The following PCDHGA5 variants were observed in gnomAD, a reference collection of about 807,000 sequenced individuals.
The protein encoded by PCDHGA5 is protocadherin gamma subfamily A, 5, also known as protocadherin gamma-A5.
A neutral mutation model predicts 56.7 loss-of-function variants in PCDHGA5; 36 were observed. The ratio of observed to expected loss-of-function variants is 0.64; its 90% CI spans 0.49 to 0.84. The LOEUF (loss-of-function observed/expected upper bound fraction) is 0.84. Among genes scored for constraint, PCDHGA5 ranks in the 40% least tolerant of loss-of-function variants. PCDHGA5 has a pLI of 0.00. For synonymous variants in PCDHGA5, 563 were observed against 520.2 expected, an observed-to-expected ratio of 1.08 and a Z score of -1.12; for missense variants, 1,305 against 1,201.5, an observed-to-expected ratio of 1.09 and a Z score of -1.27.
At chr5:141,418,127 A>T in intron 1 of PCDHGA5, 1 of 1,614,104 alleles carries the variant, frequency 6.2e-7, no homozygotes, top group Non-Finnish European at 8.5e-7. Context: ...GAAGGACCGA[A>T]TAGACCGTGA....
intron 1 of PCDHGA5, among the ~76,000 whole-genome samples, chr5:141,434,902 C>T (rs1591355042): frequency 6.6e-6 from 1 of 151,934 alleles, no homozygotes; most frequent in East Asian, 1.9e-4. Flanking sequence ...CCCCTTCCCT[C>T]ATACCTTATT....
intron 1 of PCDHGA5, chr5:141,471,300 C>T (rs2099254628): frequency 6.6e-6 from 1 of 152,190 alleles, no homozygotes; most frequent in African/African-American, 2.4e-5. Context: ...ATCCACCCAA[C>T]TCGGCCTCCC....
intron 1 of PCDHGA5, among the ~76,000 whole-genome samples, chr5:141,464,549 C>T (rs2099086404): frequency 6.6e-6 from 1 of 152,014 alleles, no homozygotes; most frequent in Non-Finnish European, 1.5e-5. Flanking sequence ...TAGCTATTCC[C>T]CATCTTGCAT....
chr5:141,375,213 G>A (rs778646849), intron 1 of PCDHGA5: 9 of 1,613,810 alleles, frequency 5.6e-6, no homozygotes, highest in Non-Finnish European at 7.6e-6. Context: ...CGAGACTCTG[G>A]CCTGAATGGC....
At chr5:141,375,373 A>G (rs540129406) in intron 1 of PCDHGA5, 113 of 1,613,776 alleles carry the variant, frequency 7.0e-5, no homozygotes, top group Non-Finnish European at 3.2e-5. Flanking sequence ...AAGGAACACC[A>G]CCTCTGTCTA....
intron 1 of PCDHGA5, among the ~76,000 whole-genome samples, chr5:141,407,809 T>C (rs2094984510): frequency 6.6e-6 from 1 of 152,228 alleles, no homozygotes; most frequent in South Asian, 2.1e-4. Flanking sequence ...TAGAAATATC[T>C]ACTATAATAT....
In PCDHGA5 at chr5:141,375,320, G is replaced by A. The variant is rs1338614455; in HGVS notation, c.2421+8569G>A. On this transcript the variant is annotated intron_variant, in intron 1 of 3. Coordinates refer to ENST00000518069, the MANE Select transcript of PCDHGA5 (RefSeq NM_018918.3). ...AGTGACAAATGCAGCTCTAGACCGG[G>A]AAGAGGTATTCTTGTACAACATCAC... is the stretch of plus-strand genomic sequence containing the variant. The A allele has an allele frequency of 6.2e-7, 1 of 1,613,688 alleles. No homozygotes were observed. The highest frequency in any genetic ancestry group is 2.2e-5 in the East Asian group (1 of 44,890).
In PCDHGA5 at chr5:141,364,320, G is replaced by C. The variant is rs777179865; in HGVS notation, c.-11G>C. Reference sequence around the variant, plus strand: ...ACCAGAACTAAGAGAAAATTGGGCAGAGAGAAGGCAATGGCGAGTCCACCT... The same window carrying C: ...ACCAGAACTAAGAGAAAATTGGGCACAGAGAAGGCAATGGCGAGTCCACCT... On this transcript the variant is annotated 5_prime_UTR_variant, in exon 1 of 4. Transcript: ENST00000518069. 7 of 1,526,276 alleles carry C rather than the reference G, an allele frequency of 4.6e-6. No individual in the cohort carries two copies. Among genetic ancestry groups the C allele is most frequent in the Non-Finnish European group, 6.1e-6 (7 of 1,140,324 alleles). The allele number at this position is 1,526,276 out of a possible 1,614,324, so 94.5% of individuals were successfully genotyped here. A position where few individuals can be genotyped will look rare whatever the true frequency, so the allele number is the denominator to read the frequency against.
chr5:141,421,425 C>T, intron 1 of PCDHGA5: 1 of 1,614,100 alleles, frequency 6.2e-7, no homozygotes, highest in Non-Finnish European at 8.5e-7. Context: ...GCGGAGTCCG[C>T]ATCGTCTCCA....
At position 141,393,369 on chromosome 5, in the gene PCDHGA5, G is replaced by A. The variant is rs748036677; in HGVS notation, c.2421+26618G>A. 19 of 1,613,962 alleles carry A rather than the reference G, an allele frequency of 1.2e-5. No homozygotes were observed. In the South Asian group the frequency reaches 2.0e-4, roughly 17 times the overall value. Reference sequence around the variant, plus strand: ...CTTCTCCCTGGACGTGCAGACTGGAGACAATGGAGCCATAAACCCAGAGCT... The same window carrying A: ...CTTCTCCCTGGACGTGCAGACTGGAAACAATGGAGCCATAAACCCAGAGCT... On this transcript the variant is annotated intron_variant, in intron 1 of 3. Coordinates refer to ENST00000518069, the MANE Select transcript of PCDHGA5 (RefSeq NM_018918.3).
chr5:141,450,258 T>A (rs1267755848), intron 1 of PCDHGA5, among the ~76,000 whole-genome samples: 1 of 152,096 alleles, frequency 6.6e-6, no homozygotes, highest in Non-Finnish European at 1.5e-5. Context: ...CCTCAAGTGA[T>A]CTGCCCACCT....
chr5:141,445,814 TA>T (rs1554133713), intron 1 of PCDHGA5, among the ~76,000 whole-genome samples: 1 of 152,182 alleles, frequency 6.6e-6, no homozygotes, highest in Non-Finnish European at 1.5e-5. Context: ...TAGATGAAAC[TA>T]ATAAGGCAGG....
At chr5:141,382,013 G>C (rs1000379234) in intron 1 of PCDHGA5, among the ~76,000 whole-genome samples, 1 of 151,580 alleles carries the variant, frequency 6.6e-6, no homozygotes, top group Admixed American at 6.6e-5. Flanking sequence ...ATTTTTAGTA[G>C]AGACGGGGTT....
At chr5:141,390,299 A>G in intron 1 of PCDHGA5, 1 of 1,613,858 alleles carries the variant, frequency 6.2e-7, no homozygotes, top group Non-Finnish European at 8.5e-7. Context: ...TCCTTTAAGT[A>G]TAATTTAATG....
rs201704748 is a variant in PCDHGA5, at chr5:141,431,453, G to A, written c.2422-63354G>A. The A allele has an allele frequency of 5.7e-4, 914 of 1,613,802 alleles. 10 individuals are homozygous for A. The South Asian group carries it at 9.6e-3, about 17-fold the overall frequency. ...AGGCACCGCGCGCATCCGCGTGATG[G>A]TTCTGGATGCGAACGACAACGCACC... On this transcript the variant is annotated intron_variant, in intron 1 of 3. Coordinates refer to ENST00000518069, the MANE Select transcript of PCDHGA5 (RefSeq NM_018918.3). This position sits in a 1 kb window ranked among gnomAD's most constrained non-coding sequence, Gnocchi z 4.8.
intron 1 of PCDHGA5, among the ~76,000 whole-genome samples, chr5:141,473,583 A>G (rs905824343): frequency 6.6e-6 from 1 of 152,226 alleles, no homozygotes; most frequent in Non-Finnish European, 1.5e-5. Flanking sequence ...CTAAGACCAG[A>G]CAGACCTGTA....
At chr5:141,470,001 C>T (rs753591964) in intron 1 of PCDHGA5, among the ~76,000 whole-genome samples, 6 of 152,006 alleles carry the variant, frequency 3.9e-5, no homozygotes, top group Admixed American at 1.3e-4. Context: ...CGTCGTGGCA[C>T]GCCTGTAATC....
chr5:141,489,635 G>T lies in PCDHGA5; in HGVS notation c.2422-5172G>T, dbSNP rs1380466520. On this transcript the variant is annotated intron_variant, in intron 1 of 3. Coordinates refer to ENST00000518069, the MANE Select transcript of PCDHGA5 (RefSeq NM_018918.3). This position sits in a 1 kb window ranked among gnomAD's most constrained non-coding sequence, Gnocchi z 4.5. ...CTGGATCTCAATGACAACTCTCCTA[G>T]CTTTGCCACCCCTGAGCGAGAGATG... 1.2e-6 allele frequency: 2 copies of T among 1,614,024 alleles called. No homozygotes were observed. The highest frequency in any genetic ancestry group is 2.7e-5 in the African/African-American group (2 of 74,908).
At chr5:141,478,011 G>T (rs1216659966) in intron 1 of PCDHGA5, 1 of 1,614,088 alleles carries the variant, frequency 6.2e-7, no homozygotes, top group Non-Finnish European at 8.5e-7. Flanking sequence ...AGTACTGCCC[G>T]TCCAGTCCAA....
Sources: allele counts gnomAD v4.1 joint callset (sites outside exome capture counted in the v4.1 genomes callset), GRCh38; gene constraint gnomAD v4.1.1; non-coding constraint Gnocchi (gnomAD v3.1); transcripts MANE v1.5; gene names NCBI Gene and HGNC (gene_info 2026-07-23, HGNC 2026-07-21).